FAM53C: variants seen among roughly 807,000 people sequenced by gnomAD.
FAM53C encodes the protein family with sequence similarity 53 member C.
FAM53C carries 10 observed loss-of-function variants against 34.7 expected under a neutral mutation model. The ratio of observed to expected loss-of-function variants is 0.29; its 90% CI spans 0.18 to 0.49. The LOEUF (loss-of-function observed/expected upper bound fraction) is 0.49, where lower values mean the gene tolerates loss of function less well. FAM53C is among the 20% of genes least tolerant of loss of function. The pLI is 0.99. For missense variants in FAM53C, 442 were observed against 515.3 expected, an observed-to-expected ratio of 0.86 and a Z score of 1.38; for synonymous variants, 203 against 203.6, an observed-to-expected ratio of 1.00 and a Z score of 0.03.
At chr5:138,337,728 G>C (rs554190550), upstream of FAM53C, 1 of 338,056 alleles carries the variant, frequency 3.0e-6, no homozygotes, top group South Asian at 2.3e-5. Flanking sequence ...CTGGGACTCC[G>C]AGCAGGCCCT....
intron 1 of FAM53C, 189 bp downstream of exon 1, chr5:138,338,496 C>A: frequency 3.4e-6 from 1 of 293,562 alleles, no homozygotes; most frequent in Non-Finnish European, 6.6e-6. Flanking sequence ...AGACCCTCCC[C>A]ATCCCCTGCG....
Position 138,344,919 on chromosome 5 carries a change from C to T in FAM53C, c.231C>T (p.His77=). 6.2e-7 allele frequency: 1 copy of T among 1,614,086 alleles called. No homozygotes were observed. Among genetic ancestry groups the T allele is most frequent in the Admixed American group, 1.7e-5 (1 of 60,018 alleles). ...ACCATCCCTCAGGCCTGAGCCTGCACCTCAGACCACCCAGTCGGGGAAACT... is the reference window on the plus strand; with the variant it reads ...ACCATCCCTCAGGCCTGAGCCTGCATCTCAGACCACCCAGTCGGGGAAACT... ...FSYHPSGLSL[H]LRPPSRGNSP... The change falls in exon 4 of 5, where the codon CAC becomes CAT. Residue 77 remains histidine (H), a synonymous_variant. Coordinates refer to ENST00000239906, the MANE Select transcript of FAM53C (RefSeq NM_016605.3).
chr5:138,338,566 C>T (rs1760897777), intron 1 of FAM53C, among the ~76,000 whole-genome samples: 1 of 149,188 alleles, frequency 6.7e-6, no homozygotes, highest in Non-Finnish European at 1.5e-5. Context: ...CGAACGACAG[C>T]CCCCCTGAGC....
intron 3 of FAM53C, among the ~76,000 whole-genome samples, chr5:138,343,235 CGTG>C (rs2126887615): frequency 6.6e-6 from 1 of 151,882 alleles, no homozygotes; most frequent in Admixed American, 6.6e-5. Flanking sequence ...GTGGGCCAGA[CGTG>C]GTGACTCATG....
At chr5:138,337,978 C>G (rs1760834801), upstream of FAM53C, 13 of 1,289,708 alleles carry the variant, frequency 1.0e-5, no homozygotes, top group South Asian at 1.2e-5. Context: ...TGGCCTCCCC[C>G]GCGGGTTTCA....
In FAM53C at chr5:138,345,060, C is replaced by G. The variant is rs566956604; in HGVS notation, c.372C>G (p.Pro124=). Residue 124 remains proline, a synonymous_variant, in exon 4 of 5, where the codon CCC becomes CCG. Transcript: ENST00000239906. This position sits in a 1 kb window ranked among gnomAD's most constrained non-coding sequence, Gnocchi z 6.3. The part of the protein sequence containing the change: ...SKRHCRSLSV[P]VDLSRWQPVW... ...GGCACTGCCGCTCACTCTCAGTGCC[C>G]GTGGACCTGTCTCGCTGGCAGCCGG... is the stretch of plus-strand genomic sequence containing the variant. The G allele has an allele frequency of 6.2e-7, 1 of 1,614,000 alleles. No homozygotes were observed. The highest frequency in any genetic ancestry group is 8.5e-7 in the Non-Finnish European group (1 of 1,179,902).
rs993478509 is a variant in FAM53C, at chr5:138,349,255, C to G, written c.*2296C>G. 2.0e-5 allele frequency: 3 copies of G among 152,678 alleles called. No individual in the cohort carries two copies. Among genetic ancestry groups the G allele is most frequent in the African/African-American group, 7.2e-5 (3 of 41,456 alleles). The allele number at this position is 152,678 out of a possible 1,614,324, so 9.5% of individuals were successfully genotyped here. On this transcript the variant is annotated 3_prime_UTR_variant, in exon 5 of 5. Transcript: ENST00000239906. ...TTTTTCAATGCATTTGGACTGCTGA[C>G]CATTTAAAAGCAGCCTATGATTGCT...
At position 138,345,250 on chromosome 5, in the gene FAM53C, C is replaced by G. The variant is rs1761136988; in HGVS notation, c.562C>G (p.Pro188Ala). The G allele has an allele frequency of 6.2e-7, 1 of 1,614,126 alleles. No homozygotes were observed. Among genetic ancestry groups the G allele is most frequent in the Non-Finnish European group, 8.5e-7 (1 of 1,180,058 alleles). Residue 188 changes from proline to alanine, a missense_variant, in exon 4 of 5, where the codon CCC (proline) becomes GCC (alanine). Pro to Ala is a conservative substitution (Grantham distance 27, BLOSUM62 -1). Transcript: ENST00000239906. The surrounding 1 kb of genome is among the most constrained non-coding windows in gnomAD (Gnocchi z 6.3). ...TTCTCAATGTGCCCCAGCTCACAGA[C>G]CCTACAGCCCTCCTTTCTTCAGCCT... ...ASSQCAPAHR[P>A]YSPPFFSLAL...
At chr5:138,344,729 T>G (rs1392256660) in intron 3 of FAM53C, 96 bp from the exon 4 acceptor site, 5 of 1,173,618 alleles carry the variant, frequency 4.3e-6, no homozygotes, top group Non-Finnish European at 1.2e-6. Context: ...TTTGGAAATT[T>G]TCACATAAAA....
chr5:138,337,829 G>A (rs559836449), upstream of FAM53C: 7 of 523,730 alleles, frequency 1.3e-5, no homozygotes, highest in East Asian at 7.4e-5. Context: ...AGAGGTGGTC[G>A]TGGAGGGCGG....
At chr5:138,340,576 G>A (rs1324091638) in intron 1 of FAM53C, among the ~76,000 whole-genome samples, 5 of 152,168 alleles carry the variant, frequency 3.3e-5, no homozygotes, top group African/African-American at 1.2e-4. Flanking sequence ...TGTTGTTTAC[G>A]ACGTCTGTAG....
intron 3 of FAM53C, among the ~76,000 whole-genome samples, chr5:138,343,953 G>A (rs10045661): frequency 0.68 from 102,791 of 152,024 alleles, 35,273 homozygotes; most frequent in East Asian, 0.86. Flanking sequence ...TATACTTGTC[G>A]TTTGCCCCAA....
At position 138,345,694 on chromosome 5, in the gene FAM53C, A is replaced by C. The variant is rs1580859326; in HGVS notation, c.921+85A>C. On this transcript the variant is annotated intron_variant, in intron 4 of 4. Transcript: ENST00000239906. The surrounding 1 kb of genome is among the most constrained non-coding windows in gnomAD (Gnocchi z 6.3). ...TTTTGAGCTAGCCCCTAGCTTCATTACCCTGCCGCCCCCACCACCAACAGC... is the reference window on the plus strand; with the variant it reads ...TTTTGAGCTAGCCCCTAGCTTCATTCCCCTGCCGCCCCCACCACCAACAGC... The C allele has an allele frequency of 2.7e-6, 4 of 1,463,184 alleles. No individual in the cohort carries two copies. The allele number at this position is 1,463,184 out of a possible 1,614,324, so 90.6% of individuals were successfully genotyped here.
intron 2 of FAM53C, 80 bp from the exon 3 acceptor site, chr5:138,341,729 A>G: frequency 1.6e-6 from 2 of 1,252,922 alleles, no homozygotes; most frequent in Non-Finnish European, 1.2e-6. Flanking sequence ...TGAATCGCAG[A>G]GGAGAACTGA....
intron 3 of FAM53C, among the ~76,000 whole-genome samples, chr5:138,344,415 A>G (rs1761112706): frequency 6.6e-6 from 1 of 152,270 alleles, no homozygotes; most frequent in Non-Finnish European, 1.5e-5. Flanking sequence ...ATCCAGGGCA[A>G]GCGTGGGGGA....
Position 138,347,054 on chromosome 5 carries a change from TGG to T in FAM53C, c.*99_*100del. On this transcript the variant is annotated 3_prime_UTR_variant, in exon 5 of 5. Coordinates refer to ENST00000239906, the MANE Select transcript of FAM53C (RefSeq NM_016605.3). ...CAAGGCTGGGGGCCGAGCCTGGGAA[TGG>T]GGGTGAGTGGAGGGCTCCGACTCAG... 2 of 1,529,644 alleles carry T rather than the reference TGG, an allele frequency of 1.3e-6. No individual in the cohort carries two copies. Among genetic ancestry groups the T allele is most frequent in the Non-Finnish European group, 1.8e-6 (2 of 1,128,058 alleles). The allele number at this position is 1,529,644 out of a possible 1,614,324, so 94.8% of individuals were successfully genotyped here. A position where few individuals can be genotyped will look rare whatever the true frequency, so the allele number is the denominator to read the frequency against.
Position 138,348,059 on chromosome 5 carries a change from T to TA in FAM53C, c.*1101dup, listed in dbSNP as rs1404658060. 6.6e-6 allele frequency: 1 copy of TA among 152,630 alleles called. No homozygotes were observed. Among genetic ancestry groups the TA allele is most frequent in the Admixed American group, 6.6e-5 (1 of 15,266 alleles). The allele number at this position is 152,630 out of a possible 1,614,324, so 9.5% of individuals were successfully genotyped here. On this transcript the variant is annotated 3_prime_UTR_variant, in exon 5 of 5. Transcript: ENST00000239906. ...AAGGTGACTGCAGGAAACCAATTCTTACAAGATCCAGGCCCAGCCTTTTTG... is the reference window on the plus strand; with the variant it reads ...AAGGTGACTGCAGGAAACCAATTCTTAACAAGATCCAGGCCCAGCCTTTTTG...
At chr5:138,337,740 A>T, upstream of FAM53C, 1 of 345,228 alleles carries the variant, frequency 2.9e-6, no homozygotes, top group East Asian at 8.9e-5. Context: ...GCAGGCCCTA[A>T]TCCGCGCTTG....
In FAM53C at chr5:138,338,375, C is replaced by A. The variant is rs1053670728; in HGVS notation, c.-153+68C>A. Reference sequence around the variant, plus strand: ...CACCTCAACCGTCCCTCCCTCCTTCCCTCTTTCCCCTCCCCCAGCCCGACC... The same window carrying A: ...CACCTCAACCGTCCCTCCCTCCTTCACTCTTTCCCCTCCCCCAGCCCGACC... On this transcript the variant is annotated intron_variant, in intron 1 of 4. Coordinates refer to ENST00000239906, the MANE Select transcript of FAM53C (RefSeq NM_016605.3). The A allele has an allele frequency of 3.3e-5, 13 of 388,522 alleles. No individual in the cohort carries two copies. In the Admixed American group the frequency reaches 3.6e-4, roughly 11 times the overall value. 24.1% of individuals were successfully genotyped at this position (388,522 alleles called of 1,614,324 possible).
Sources: allele counts gnomAD v4.1 joint callset (sites outside exome capture counted in the v4.1 genomes callset), GRCh38; gene constraint gnomAD v4.1.1; non-coding constraint Gnocchi (gnomAD v3.1); transcripts MANE v1.5; gene names NCBI Gene and HGNC (gene_info 2026-07-23, HGNC 2026-07-21).